Variants in ABCC6 observed in about 807,000 individuals in gnomAD.
ABCC6 encodes the protein ATP binding cassette subfamily C member 6, also known as ATP-binding cassette sub-family C member 6.
In ABCC6, 126 loss-of-function variants were observed where a neutral mutation model predicts 169.5. That is an observed-to-expected ratio of 0.74 (90% CI 0.64 to 0.86). The LOEUF is 0.86. Among genes scored for constraint, ABCC6 ranks in the 40% least tolerant of loss-of-function variants. ABCC6 has a pLI of 0.00. For synonymous variants in ABCC6, 752 were observed against 814.7 expected (o/e 0.92, Z 1.31); for missense variants, 1,733 against 1,927.2 (o/e 0.90, Z 1.89).
At chr16:16,170,926 AAAAAAAAAAAAAAAAGAAAG>A (rs1331899674) in intron 21 of ABCC6, among the ~76,000 whole-genome samples, 2 of 115,220 alleles carry the variant, frequency 1.7e-5, no homozygotes, top group Non-Finnish European at 3.6e-5. Flanking sequence ...TCTCAAAAAA[AAAAAAAAAAAAAAAAGAAAG>A]AAAGAAAGAA....
At chr16:16,208,217 G>A (rs1300884929) in intron 7 of ABCC6, among the ~76,000 whole-genome samples, 5 of 152,142 alleles carry the variant, frequency 3.3e-5, no homozygotes, top group South Asian at 2.1e-4. Flanking sequence ...CCTGTGATGC[G>A]TTCTGGGAGG....
In ABCC6 at chr16:16,176,132, A is replaced by T. The variant is rs1596642642; in HGVS notation, c.2591-146T>A. ...CTCCAGCAACCTCTCTCAACACCCC[A>T]CTCTGAGTTCTTCCAGGAACATCCT... On this transcript the variant is annotated intron_variant, in intron 19 of 30. Transcript: ENST00000205557. 1.1e-5 allele frequency: 8 copies of T among 749,140 alleles called. No individual in the cohort carries two copies. In the East Asian group the frequency reaches 2.1e-4, roughly 20 times the overall value. 46.4% of individuals were successfully genotyped at this position (749,140 alleles called of 1,614,324 possible). A position where few individuals can be genotyped will look rare whatever the true frequency, so the allele number is the denominator to read the frequency against.
intron 17 of ABCC6, 27 bp downstream of exon 17, chr16:16,182,385 G>T: frequency 1.2e-6 from 2 of 1,612,802 alleles, no homozygotes; most frequent in Admixed American, 1.7e-5. Context: ...ATGTCTCCCT[G>T]TCCCAAAAAG....
In ABCC6 at chr16:16,187,532, G is replaced by A. The variant is rs114683051; in HGVS notation, c.1780-321C>T. 2.5e-3 allele frequency among the ~76,000 whole-genome samples: 387 copies of A among 152,302 alleles called. 4 individuals are homozygous for A. Among genetic ancestry groups the A allele is most frequent in the African/African-American group, 7.5e-3 (311 of 41,570 alleles). On this transcript the variant is annotated intron_variant, in intron 13 of 30. Coordinates refer to ENST00000205557, the MANE Select transcript of ABCC6 (RefSeq NM_001171.6). ...GCCATTGTGTGGAACAATTTCAAATGTTGTCCACCTGGGGGCGCTCTCTCC... is the reference window on the plus strand; with the variant it reads ...GCCATTGTGTGGAACAATTTCAAATATTGTCCACCTGGGGGCGCTCTCTCC...
intron 14 of ABCC6, 120 bp downstream of exon 14, chr16:16,187,003 TC>T: frequency 1.2e-6 from 1 of 817,826 alleles, no homozygotes; most frequent in Non-Finnish European, 2.0e-6. Flanking sequence ...TCTGCACGTG[TC>T]ATCCATTGCC....
At chr16:16,189,566 C>T (rs573379328) in intron 12 of ABCC6, among the ~76,000 whole-genome samples, 301 of 152,076 alleles carry the variant, frequency 2.0e-3, no homozygotes, top group African/African-American at 6.5e-3. Flanking sequence ...TACAGGCGCC[C>T]GCCACTGCAA....
At position 16,202,088 on chromosome 16, in the gene ABCC6, T is replaced by G. The variant is rs2048256322; in HGVS notation, c.1089A>C (p.Gln363His). ...ACATGTTCTGCTGCTCAAACAGCGT[T>G]TGCAGGCAGGCTGAGAGGAACATCA... ...AVLMFLSACL[Q>H]TLFEQQNMYR... is the part of the protein sequence containing the mutation. Residue 363 changes from glutamine to histidine, a missense_variant, in exon 9 of 31, where the codon CAA becomes CAC. Gln to His is a conservative substitution (Grantham distance 24). Coordinates refer to ENST00000205557, the MANE Select transcript of ABCC6 (RefSeq NM_001171.6). The G allele has an allele frequency of 3.7e-6, 6 of 1,614,008 alleles. No individual in the cohort carries two copies. Among genetic ancestry groups the G allele is most frequent in the Non-Finnish European group, 5.1e-6 (6 of 1,179,876 alleles).
intron 9 of ABCC6, among the ~76,000 whole-genome samples, chr16:16,199,757 A>C (rs2048174974): frequency 7.1e-6 from 1 of 140,974 alleles, no homozygotes; most frequent in Admixed American, 7.5e-5. Flanking sequence ...GGTGGGGAAC[A>C]AGGCTCTATA....
intron 1 of ABCC6, chr16:16,222,916 A>C (rs1471437023): frequency 1.5e-5 from 3 of 202,610 alleles, no homozygotes; most frequent in African/African-American, 2.4e-5. Flanking sequence ...ATAGCAGCAA[A>C]GTTCATAGCA....
chr16:16,169,937 G>T, intron 21 of ABCC6, 84 bp from the exon 22 acceptor site: 1 of 1,381,986 alleles, frequency 7.2e-7, no homozygotes, highest in Admixed American at 2.0e-5. Flanking sequence ...GAGGCTCCCA[G>T]AAAACATGCC....
intron 20 of ABCC6, among the ~76,000 whole-genome samples, chr16:16,174,760 A>ACCACC (rs1555511581): frequency 1.1e-5 from 1 of 94,634 alleles, no homozygotes; most frequent in East Asian, 1.1e-3. Flanking sequence ...CTGTCTCAAA[A>ACCACC]CCCCCCCCCG....
At chr16:16,152,395 T>C (rs542169123) in intron 29 of ABCC6, among the ~76,000 whole-genome samples, 16 of 151,750 alleles carry the variant, frequency 1.1e-4, no homozygotes, top group Non-Finnish European at 2.1e-4. Flanking sequence ...AGCATCCTTT[T>C]ACATGATCAG....
intron 19 of ABCC6, 129 bp from the exon 20 acceptor site, chr16:16,176,115 A>C: frequency 1.2e-6 from 1 of 806,306 alleles, no homozygotes. Context: ...GTCTCCAGCA[A>C]CCTCTCTCAA....
chr16:16,152,896 G>GT (rs925762873), intron 29 of ABCC6, among the ~76,000 whole-genome samples: 20 of 126,882 alleles, frequency 1.6e-4, no homozygotes, highest in East Asian at 3.9e-4. Flanking sequence ...AACACCTTAG[G>GT]TTTTTTTTTG....
rs2048986641 is a variant in ABCC6 at position 16,219,165 on chromosome 16, TGGGGAGGGTGAATCCATGACATGA to T, written c.474+365_474+388del. ...GTGTAAATATAGGTGCATAGGAACA[TGGGGAGGGTGAATCCATGACATGA>T]GGGGAGGTGTGCACGGAGGGGTATG... On this transcript the variant is annotated intron_variant, in intron 4 of 30. Coordinates refer to ENST00000205557, the MANE Select transcript of ABCC6 (RefSeq NM_001171.6). Among the ~76,000 whole-genome samples the T allele has an allele frequency of 2.6e-5, 3 of 116,420 alleles. No homozygotes were observed. The South Asian group carries it at 9.4e-4, about 37-fold the overall frequency. The allele number at this position is 116,420 out of a possible 152,430, so 76.4% of individuals were successfully genotyped here. A position where few individuals can be genotyped will look rare whatever the true frequency, so the allele number is the denominator to read the frequency against.
chr16:16,183,846 C>T (rs1463283780), intron 15 of ABCC6, among the ~76,000 whole-genome samples: 1 of 151,972 alleles, frequency 6.6e-6, no homozygotes, highest in Non-Finnish European at 1.5e-5. Context: ...GTTGAGAAAC[C>T]CAGGTCCAGG....
rs776248626 is a variant in ABCC6, at chr16:16,203,519, G to A, written c.889C>T (p.Arg297Cys). ...TGCCAGATGGCCTTCAGCAGTGGGC[G>A]CCACTGGCTCCCTTCTTGCCGTAGG... ...PFLRQEGSQW[R>C]PLLKAIWQVF... The change falls in exon 8 of 31, where the codon CGC becomes TGC. Residue 297 changes from arginine to cysteine, a missense_variant. Around this residue, in one of 5 missense-constraint regions of ABCC6, gnomAD observed 1,601 missense variants for 1,635.5 expected, o/e 0.98. Transcript: ENST00000205557. 5.0e-6 allele frequency: 8 copies of A among 1,613,898 alleles called. No individual in the cohort carries two copies. Among genetic ancestry groups the A allele is most frequent in the African/African-American group, 4.0e-5 (3 of 74,934 alleles).
rs772952563 is a variant in ABCC6, at chr16:16,190,298, T to C, written c.1501A>G (p.Ile501Val). 1.1e-5 allele frequency: 18 copies of C among 1,614,186 alleles called. No individual in the cohort carries two copies. The highest frequency in any genetic ancestry group is 1.4e-5 in the Non-Finnish European group (16 of 1,180,026). Reference protein sequence around the residue: ...TSSILRNSKTIKFHGWEGAFL... With the variant: ...TSSILRNSKTVKFHGWEGAFL... Reference sequence around the variant, plus strand: ...GCTCCCTCCCAGCCATGGAACTTGATGGTCTTCGAGTTCCTGAGGATAGAG... The same window carrying C: ...GCTCCCTCCCAGCCATGGAACTTGACGGTCTTCGAGTTCCTGAGGATAGAG... Residue 501 changes from isoleucine to valine, a missense_variant, in exon 12 of 31, where the codon ATC (isoleucine) becomes GTC (valine). By Grantham distance (29) the Ile-to-Val change is conservative. Transcript: ENST00000205557.
intron 1 of ABCC6, among the ~76,000 whole-genome samples, chr16:16,222,370 AT>A (rs202145341): frequency 0.011 from 1,623 of 152,158 alleles, 84 homozygotes; most frequent in Admixed American, 0.096. Context: ...ATTTGTTTTT[AT>A]TTTTTATTAT....
Sources: allele counts gnomAD v4.1 joint callset (sites outside exome capture counted in the v4.1 genomes callset), GRCh38; gene constraint gnomAD v4.1.1; regional missense constraint gnomAD v4.1.1; transcripts MANE v1.5; gene names NCBI Gene and HGNC (gene_info 2026-07-23, HGNC 2026-07-21).